The following SOX30 variants were observed in gnomAD, a reference collection of about 807,000 sequenced individuals.
The protein encoded by SOX30 is SRY-box transcription factor 30.
SOX30 carries 17 observed loss-of-function variants against 58.6 expected under a neutral mutation model. That is an observed-to-expected ratio of 0.29 (90% CI 0.20 to 0.44). SOX30 has a LOEUF of 0.44. Ranked by LOEUF, SOX30 falls within the 20% of genes least tolerant of loss-of-function variation. SOX30 has a pLI of 1.00. For missense variants in SOX30, 951 were observed against 965.8 expected, an observed-to-expected ratio of 0.98 and a Z score of 0.20; for synonymous variants, 421 against 400.2, an observed-to-expected ratio of 1.05 and a Z score of -0.62.
chr5:157,661,371 T>A (rs893392957), intron 2 of SOX30, among the ~76,000 whole-genome samples: 2 of 152,350 alleles, frequency 1.3e-5, no homozygotes, highest in African/African-American at 4.8e-5. Context: ...ATGCTTTGTC[T>A]GTGTCTATTG....
rs140815100 is a variant in SOX30, at chr5:157,662,626, A to C, written c.52+5172T>G. Among the ~76,000 whole-genome samples, 5 of 152,312 alleles carry C rather than the reference A, an allele frequency of 3.3e-5. No individual in the cohort carries two copies. In the East Asian group the frequency reaches 9.6e-4, roughly 29 times the overall value. ...CAAAAGCCTCCCCCACAAAAATCTG[A>C]TTGGACTTTCTCCTCAGCCAGGGAA... On this transcript the variant is annotated intron_variant, in intron 2 of 5. Transcript: ENST00000519442.
At chr5:157,666,492 C>A (rs999714092) in intron 2 of SOX30, among the ~76,000 whole-genome samples, 79 of 140,718 alleles carry the variant, frequency 5.6e-4, no homozygotes, top group African/African-American at 2.1e-3. Context: ...CACACACACA[C>A]ACACACACAC....
At chr5:157,669,034 C>A (rs1375949061) in intron 1 of SOX30, among the ~76,000 whole-genome samples, 1 of 152,168 alleles carries the variant, frequency 6.6e-6, no homozygotes, top group Non-Finnish European at 1.5e-5. Flanking sequence ...GGTGAGGTCA[C>A]AAGGCCAAAA....
rs960158412 is a variant in SOX30 at position 157,626,436 on chromosome 5, G to A, written c.2166C>T (p.Val722=). 6.2e-7 allele frequency: 1 copy of A among 1,614,174 alleles called. No homozygotes were observed. Among genetic ancestry groups the A allele is most frequent in the Non-Finnish European group, 8.5e-7 (1 of 1,180,034 alleles). Residue 722 remains valine (V), a synonymous_variant, in exon 5 of 5, where the codon GTC becomes GTT. Transcript: ENST00000265007. Reference sequence around the variant, plus strand: ...AAGGAGTTGATGTCGGGGCTGTGAAGACATTCTCCAAGGTTCCAATGTCCA... The same window carrying A: ...AAGGAGTTGATGTCGGGGCTGTGAAAACATTCTCCAAGGTTCCAATGTCCA... ...PQLDIGTLEN[V]FTAPTSTPSS...
chr5:157,631,210 A>T (rs1016944482), intron 4 of SOX30, among the ~76,000 whole-genome samples: 7 of 151,012 alleles, frequency 4.6e-5, no homozygotes, highest in Non-Finnish European at 1.0e-4. Context: ...CAGCCTCCCA[A>T]GTACCTGAGA....
chr5:157,642,992 T>C (rs192146600), intron 3 of SOX30, among the ~76,000 whole-genome samples: 119 of 152,240 alleles, frequency 7.8e-4, no homozygotes, highest in African/African-American at 2.6e-3. Context: ...TTAGATCAAC[T>C]ACAGTATAAT....
rs1338120185 is a variant in SOX30 at position 157,651,403 on chromosome 5, G to C, written c.676C>G (p.Leu226Val). Residue 226 changes from leucine (L) to valine (V), a missense_variant, in exon 1 of 5, where the codon CTC (leucine) becomes GTC (valine). Coordinates refer to ENST00000265007, the MANE Select transcript of SOX30 (RefSeq NM_178424.2). ...EPERLLEDCRLGAEPASNGLV... is the reference protein window; with the variant it reads ...EPERLLEDCRVGAEPASNGLV... ...CCATTGGACGCGGGCTCCGCGCCGAGCCTGCAGTCCTCGAGGAGTCTCTCG... is the reference window on the plus strand; with the variant it reads ...CCATTGGACGCGGGCTCCGCGCCGACCCTGCAGTCCTCGAGGAGTCTCTCG... 6.2e-7 allele frequency: 1 copy of C among 1,613,530 alleles called. No homozygotes were observed. Among genetic ancestry groups the C allele is most frequent in the East Asian group, 2.2e-5 (1 of 44,866 alleles).
At chr5:157,670,017 C>T (rs1759748663) in intron 1 of SOX30, among the ~76,000 whole-genome samples, 1 of 152,220 alleles carries the variant, frequency 6.6e-6, no homozygotes, top group Admixed American at 6.5e-5. Context: ...AAGGAAAAAG[C>T]CTCCTGAACC....
chr5:157,652,289 T>C lies in SOX30; in HGVS notation c.-211A>G, dbSNP rs1325167026. ...AGGCGGGTTTTCCGGCTCTTCCTGG[T>C]CCCTACTCTCGCCTCGTGCTGAGTC... is the stretch of plus-strand genomic sequence containing the variant. On this transcript the variant is annotated 5_prime_UTR_variant, in exon 1 of 5. Transcript: ENST00000265007. 3.9e-5 allele frequency: 48 copies of C among 1,245,408 alleles called. No individual in the cohort carries two copies. Among genetic ancestry groups the C allele is most frequent in the Non-Finnish European group, 4.5e-5 (45 of 997,542 alleles). The allele number at this position is 1,245,408 out of a possible 1,614,324, so 77.1% of individuals were successfully genotyped here. A position where few individuals can be genotyped will look rare whatever the true frequency, so the allele number is the denominator to read the frequency against.
At chr5:157,668,128 A>G (rs991770761) in intron 1 of SOX30, among the ~76,000 whole-genome samples, 1 of 152,230 alleles carries the variant, frequency 6.6e-6, no homozygotes, top group Admixed American at 6.5e-5. Flanking sequence ...ATTATTGGCC[A>G]AAGGAACTGC....
intron 3 of SOX30, among the ~76,000 whole-genome samples, chr5:157,642,815 T>C (rs1759102254): frequency 6.6e-6 from 1 of 152,132 alleles, no homozygotes; most frequent in African/African-American, 2.4e-5. Context: ...TCAATACTAA[T>C]TGACTCCAAA....
chr5:157,629,656 G>A (rs1232584825), intron 4 of SOX30, among the ~76,000 whole-genome samples: 1 of 152,132 alleles, frequency 6.6e-6, no homozygotes, highest in East Asian at 1.9e-4. Flanking sequence ...CAATATGTAA[G>A]CATTTACTAT....
chr5:157,639,595 T>C (rs566896351), intron 3 of SOX30, among the ~76,000 whole-genome samples: 3 of 152,278 alleles, frequency 2.0e-5, no homozygotes, highest in African/African-American at 7.2e-5. Flanking sequence ...ACAATTAATG[T>C]GTTTTAGCTT....
intron 2 of SOX30, among the ~76,000 whole-genome samples, chr5:157,662,003 A>G (rs1759587675): frequency 6.6e-6 from 1 of 152,210 alleles, no homozygotes; most frequent in South Asian, 2.1e-4. Context: ...AGATTCTAAA[A>G]TAATTTAATT....
intron 2 of SOX30, among the ~76,000 whole-genome samples, chr5:157,648,242 T>C (rs1328221432): frequency 1.3e-5 from 2 of 152,200 alleles, no homozygotes; most frequent in Non-Finnish European, 2.9e-5. Flanking sequence ...AATCATATGT[T>C]AAAATGGAAT....
At chr5:157,667,016 C>G (rs1049433703) in intron 2 of SOX30, among the ~76,000 whole-genome samples, 1 of 152,110 alleles carries the variant, frequency 6.6e-6, no homozygotes, top group Non-Finnish European at 1.5e-5. Context: ...AAGGTCAACT[C>G]TTTAACATCA....
chr5:157,651,212 G>T lies in SOX30; in HGVS notation c.867C>A (p.Val289=), dbSNP rs756413570. Reference sequence around the variant, plus strand: ...TTTTAGTAGGCACTGGTGTCAGGGGGACCTTGGTCAATCTTATCAGCTCTG... The same window carrying T: ...TTTTAGTAGGCACTGGTGTCAGGGGTACCTTGGTCAATCTTATCAGCTCTG... The part of the protein sequence containing the change: ...PPSELIRLTK[V]PLTPVPTKMQ... The change falls in exon 1 of 5, where the codon GTC becomes GTA. Residue 289 remains valine (V), a synonymous_variant. Coordinates refer to ENST00000265007, the MANE Select transcript of SOX30 (RefSeq NM_178424.2). 4.3e-6 allele frequency: 7 copies of T among 1,613,672 alleles called. No individual in the cohort carries two copies. In the Admixed American group the frequency reaches 1.2e-4, roughly 27 times the overall value.
chr5:157,670,755 A>G (rs977909103), intron 1 of SOX30, among the ~76,000 whole-genome samples: 4 of 152,330 alleles, frequency 2.6e-5, no homozygotes, highest in East Asian at 3.9e-4. Context: ...ACCGGCATCT[A>G]GAGTTAATAT....
In SOX30 at chr5:157,646,715, T is replaced by A; in HGVS notation, c.1309A>T (p.Thr437Ser). The change falls in exon 3 of 5, where the codon ACA becomes TCA. Residue 437 changes from threonine (T) to serine (S), a missense_variant. Around this residue, in one of 7 missense-constraint regions of SOX30, gnomAD observed 381 missense variants for 390.0 expected, o/e 0.98. Coordinates refer to ENST00000265007, the MANE Select transcript of SOX30 (RefSeq NM_178424.2). ...GGTGAGCGGTAAGGATAAACTGTTG[T>A]AGGATTTGTAGAGATGATATTCTGT... ...TTQNIISTNP[T>S]TVYPYRSPTY... 1 of 1,613,248 alleles carries A rather than the reference T, an allele frequency of 6.2e-7. No homozygotes were observed. The highest frequency in any genetic ancestry group is 1.1e-5 in the South Asian group (1 of 91,066).
Sources: gnomAD v4.1 joint callset for allele counts (sites outside exome capture counted in the v4.1 genomes callset) on GRCh38, gnomAD v4.1.1 for gene constraint, gnomAD v4.1.1 regional missense constraint, MANE v1.5 for transcripts, NCBI Gene and HGNC (gene_info 2026-07-23, HGNC 2026-07-21) for gene names.